NCAM2: variants seen among roughly 807,000 people sequenced by gnomAD.
NCAM2 encodes the protein neural cell adhesion molecule 2, also known as N-CAM-2.
In NCAM2, 30 loss-of-function variants were observed where a neutral mutation model predicts 98.1. That is an observed-to-expected ratio of 0.31 (90% confidence interval 0.23 to 0.41). The LOEUF is 0.41. NCAM2 is among the 10% of genes least tolerant of loss of function. NCAM2 has a pLI of 1.00. For synonymous variants in NCAM2, 368 were observed against 342.4 expected (o/e 1.07, Z -0.83); for missense variants, 867 against 1,005.8 (o/e 0.86, Z 1.87).
At chr21:21,130,747 G>A (rs2826670) in intron 1 of NCAM2, among the ~76,000 whole-genome samples, 81,482 of 151,698 alleles carry the variant, frequency 0.54, 23,393 homozygotes, top group South Asian at 0.63. Context: ...TTTTTTTGGT[G>A]TTTTTAACAG....
intron 3 of NCAM2, among the ~76,000 whole-genome samples, chr21:21,285,886 G>T (rs1405575857): frequency 6.6e-6 from 1 of 151,890 alleles, no homozygotes; most frequent in Non-Finnish European, 1.5e-5. Context: ...ATATAGGCAG[G>T]TTGGATAAGA....
rs181341727 is a variant in NCAM2 at position 21,292,314 on chromosome 21, T to G, written c.619+73T>G. On this transcript the variant is annotated intron_variant, in intron 5 of 17. Coordinates refer to ENST00000400546, the MANE Select transcript of NCAM2 (RefSeq NM_004540.5). ...TGTTTTTTATTAAATGGCAACCATG[T>G]GAACTCAAAATACAAGTCTTATCTA... 1.3e-5 allele frequency: 19 copies of G among 1,454,946 alleles called. No homozygotes were observed. The African/African-American group carries it at 2.6e-4, about 20-fold the overall frequency. The allele number at this position is 1,454,946 out of a possible 1,614,324, so 90.1% of individuals were successfully genotyped here. A position where few individuals can be genotyped will look rare whatever the true frequency, so the allele number is the denominator to read the frequency against.
intron 15 of NCAM2, among the ~76,000 whole-genome samples, chr21:21,489,665 C>T (rs1166865641): frequency 2.0e-5 from 3 of 152,072 alleles, no homozygotes; most frequent in Admixed American, 2.0e-4. Context: ...AGATATTCTA[C>T]AAATTGTCTT....
At chr21:21,437,912 T>TTATATA (rs145129785) in intron 12 of NCAM2, among the ~76,000 whole-genome samples, 188 of 150,308 alleles carry the variant, frequency 1.3e-3, no homozygotes, top group Middle Eastern at 3.4e-3. Context: ...AAAGCACATA[T>TTATATA]TATATATATA....
intron 1 of NCAM2, among the ~76,000 whole-genome samples, chr21:21,273,810 G>C (rs549990850): frequency 6.6e-6 from 1 of 151,838 alleles, no homozygotes; most frequent in East Asian, 1.9e-4. Context: ...TCTTGTTTAG[G>C]ATGAAACTTT....
rs61586915 is a variant in NCAM2, at chr21:21,351,117, CAAAAAAAAAA to C, written c.1044+12599_1044+12608del. 8.4e-5 allele frequency among the ~76,000 whole-genome samples: 7 copies of C among 83,734 alleles called. No homozygotes were observed. In the South Asian group the frequency reaches 1.3e-3, roughly 16 times the overall value. 54.9% of individuals were successfully genotyped at this position (83,734 alleles called of 152,430 possible). A position where few individuals can be genotyped will look rare whatever the true frequency, so the allele number is the denominator to read the frequency against. On this transcript the variant is annotated intron_variant, in intron 8 of 17. Transcript: ENST00000400546. ...AGACAGAGAGAGCGAGACTCTGTCT[CAAAAAAAAAA>C]AAAAAAAAAAAAAAAGAAACTTTTC... is the stretch of plus-strand genomic sequence containing the variant.
chr21:21,209,347 C>G (rs114866639), intron 1 of NCAM2, among the ~76,000 whole-genome samples: 2,730 of 152,322 alleles, frequency 0.018, 82 homozygotes, highest in African/African-American at 0.062. Flanking sequence ...TCCCAGATAG[C>G]TCCGACTATA....
intron 9 of NCAM2, among the ~76,000 whole-genome samples, chr21:21,395,785 G>A (rs2076491947): frequency 6.7e-6 from 1 of 150,174 alleles, no homozygotes; most frequent in Non-Finnish European, 1.5e-5. Flanking sequence ...TTCAACAAAC[G>A]GTACTGGGAT....
At chr21:21,336,336 T>G (rs149093289) in intron 7 of NCAM2, among the ~76,000 whole-genome samples, 39 of 151,536 alleles carry the variant, frequency 2.6e-4, no homozygotes, top group African/African-American at 8.5e-4. Context: ...AACACTGTTA[T>G]TGAAATGCTT....
intron 16 of NCAM2, among the ~76,000 whole-genome samples, chr21:21,519,027 G>C (rs547044958): frequency 1.3e-5 from 2 of 152,198 alleles, no homozygotes; most frequent in South Asian, 4.1e-4. Flanking sequence ...GAACATTCTA[G>C]GCAGGTGTAA....
intron 12 of NCAM2, among the ~76,000 whole-genome samples, chr21:21,436,979 T>TA (rs1043382114): frequency 3.3e-5 from 5 of 151,936 alleles, no homozygotes; most frequent in African/African-American, 1.2e-4. Flanking sequence ...TTTGCCATGT[T>TA]ACCCAGGCTG....
intron 1 of NCAM2, among the ~76,000 whole-genome samples, chr21:21,256,578 C>T (rs2071682801): frequency 6.6e-6 from 1 of 152,178 alleles, no homozygotes; most frequent in Non-Finnish European, 1.5e-5. Context: ...CTGTGAAAGT[C>T]CCCCTAATTT....
intron 1 of NCAM2, among the ~76,000 whole-genome samples, chr21:21,238,410 G>A (rs1051515694): frequency 1.3e-5 from 2 of 152,110 alleles, no homozygotes; most frequent in African/African-American, 2.4e-5. Flanking sequence ...TTCACTGGAA[G>A]TTTGACAGAT....
At chr21:21,523,868 A>G (rs1277544363) in intron 16 of NCAM2, among the ~76,000 whole-genome samples, 1 of 151,664 alleles carries the variant, frequency 6.6e-6, no homozygotes, top group Non-Finnish European at 1.5e-5. Context: ...GTGAAAGACA[A>G]AAACTGAAAT....
intron 1 of NCAM2, among the ~76,000 whole-genome samples, chr21:21,250,364 A>G (rs2147283229): frequency 6.6e-6 from 1 of 152,350 alleles, no homozygotes; most frequent in Non-Finnish European, 1.5e-5. Context: ...ATTAGAGAAA[A>G]GTTGCTGTTG....
At chr21:21,418,300 A>G (rs1292681153) in intron 10 of NCAM2, among the ~76,000 whole-genome samples, 173 bp from the exon 11 acceptor site, 1 of 152,060 alleles carries the variant, frequency 6.6e-6, no homozygotes, top group Non-Finnish European at 1.5e-5. Flanking sequence ...GATACATCAT[A>G]AAAGGATTTA....
chr21:21,420,207 A>C (rs1188584258), intron 11 of NCAM2, among the ~76,000 whole-genome samples: 1 of 152,086 alleles, frequency 6.6e-6, no homozygotes, highest in Non-Finnish European at 1.5e-5. Flanking sequence ...AGGTTACATA[A>C]ATTTGTTGAA....
At chr21:21,509,082 C>A in intron 16 of NCAM2, 27 bp downstream of exon 16, 1 of 1,609,400 alleles carries the variant, frequency 6.2e-7, no homozygotes, top group Non-Finnish European at 8.5e-7. Context: ...TACATCATGT[C>A]ATATTAAACA....
intron 12 of NCAM2, among the ~76,000 whole-genome samples, chr21:21,452,493 A>G (rs1337822963): frequency 7.3e-6 from 1 of 136,364 alleles, no homozygotes; most frequent in Non-Finnish European, 1.5e-5. Context: ...TAAAATATCA[A>G]TTTATATATA....
Sources: gnomAD v4.1 joint callset for allele counts (sites outside exome capture counted in the v4.1 genomes callset) on GRCh38, gnomAD v4.1.1 for gene constraint, MANE v1.5 for transcripts, NCBI Gene and HGNC (gene_info 2026-07-23, HGNC 2026-07-21) for gene names.